AKAP11: variants seen among roughly 807,000 people sequenced by gnomAD.
The protein encoded by AKAP11 is A-kinase anchoring protein 11, also known as A-kinase anchor protein 11.
AKAP11 carries 36 observed loss-of-function variants against 146.1 expected under a neutral mutation model. The observed-to-expected ratio is 0.25, with a 90% CI of 0.19 to 0.33. AKAP11 has a LOEUF of 0.33. AKAP11 is among the 10% of genes least tolerant of loss of function. The pLI, the probability that AKAP11 is intolerant of heterozygous loss-of-function variation, is 1.00. For synonymous variants in AKAP11, 780 were observed against 786.5 expected, an observed-to-expected ratio of 0.99 and a Z score of 0.14; for missense variants, 2,201 against 2,197.0, an observed-to-expected ratio of 1.00 and a Z score of -0.04.
intron 1 of AKAP11, among the ~76,000 whole-genome samples, chr13:42,281,679 A>C (rs1022737879): frequency 4.6e-5 from 7 of 152,256 alleles, no homozygotes; most frequent in Admixed American, 1.3e-4. Context: ...GATGAAACCA[A>C]TGTCTGTACT....
At chr13:42,273,467 A>G (rs887465449) in intron 1 of AKAP11, among the ~76,000 whole-genome samples, 8 of 152,136 alleles carry the variant, frequency 5.3e-5, no homozygotes, top group African/African-American at 1.9e-4. Flanking sequence ...TGGACAGTGA[A>G]TGTCACTATT....
At position 42,317,635 on chromosome 13, in the gene AKAP11, G is replaced by A; in HGVS notation, c.5512G>A (p.Ala1838Thr). 6.2e-7 allele frequency: 1 copy of A among 1,614,168 alleles called. No individual in the cohort carries two copies. Among genetic ancestry groups the A allele is most frequent in the Non-Finnish European group, 8.5e-7 (1 of 1,180,008 alleles). Residue 1838 changes from alanine to threonine, a missense_variant, in exon 12 of 13, where the codon GCT becomes ACT. Transcript: ENST00000025301. ...TCTTCAGTGGCTCATTGCCTCTGAG[G>A]CTGAAGTTGCAGAACTTTATTTTCA... ...IILQWLIASE[A>T]EVAELYFHDS... is the part of the protein sequence containing the mutation.
chr13:42,305,215 G>C (rs931415521), intron 8 of AKAP11, among the ~76,000 whole-genome samples: 3 of 152,224 alleles, frequency 2.0e-5, no homozygotes, highest in African/African-American at 7.2e-5. Context: ...GAATTTAATT[G>C]AGTCACATGA....
intron 11 of AKAP11, among the ~76,000 whole-genome samples, chr13:42,315,914 G>A (rs140968497): frequency 6.6e-6 from 1 of 152,106 alleles, no homozygotes; most frequent in Non-Finnish European, 1.5e-5. Context: ...TTTCACTAAT[G>A]GTTAGAGACT....
Position 42,276,036 on chromosome 13 carries a change from T to C in AKAP11, c.-100+3808T>C, listed in dbSNP as rs1958908844. On this transcript the variant is annotated intron_variant, in intron 1 of 12. Coordinates refer to ENST00000025301, the MANE Select transcript of AKAP11 (RefSeq NM_016248.4). ...TCTCTACCTCACCTACCTTTCTGAC[T>C]GCCATTTATTTGTGGTTCCTTTTAT... 5.3e-5 allele frequency among the ~76,000 whole-genome samples: 8 copies of C among 152,158 alleles called. 1 individual carries two copies. The South Asian group carries it at 1.7e-3, about 32-fold the overall frequency.
At chr13:42,291,875 A>T (rs1959224325) in intron 3 of AKAP11, among the ~76,000 whole-genome samples, 1 of 152,220 alleles carries the variant, frequency 6.6e-6, no homozygotes, top group South Asian at 2.1e-4. Context: ...TCTCATTTTC[A>T]TCAGACAGCT....
chr13:42,279,551 T>C (rs1959013086), intron 1 of AKAP11, among the ~76,000 whole-genome samples: 1 of 152,182 alleles, frequency 6.6e-6, no homozygotes, highest in South Asian at 2.1e-4. Context: ...TTTTGGTGTC[T>C]TTTGTATCTT....
Position 42,321,215 on chromosome 13 carries a change from C to G in AKAP11, c.*1987C>G, listed in dbSNP as rs1961073304. The G allele has an allele frequency of 6.6e-6, 1 of 152,286 alleles. No individual in the cohort carries two copies. Among genetic ancestry groups the G allele is most frequent in the African/African-American group, 2.4e-5 (1 of 41,434 alleles). 9.4% of individuals were successfully genotyped at this position (152,286 alleles called of 1,614,324 possible). Reference sequence around the variant, plus strand: ...ACTTGAGTGTATGCACAAGTTTGATCAACAGCAAAATAGAGTTCTGAATTT... The same window carrying G: ...ACTTGAGTGTATGCACAAGTTTGATGAACAGCAAAATAGAGTTCTGAATTT... On this transcript the variant is annotated 3_prime_UTR_variant, in exon 13 of 13. Coordinates refer to ENST00000025301, the MANE Select transcript of AKAP11 (RefSeq NM_016248.4).
chr13:42,296,771 C>T (rs1248487964), intron 5 of AKAP11, among the ~76,000 whole-genome samples: 1 of 151,920 alleles, frequency 6.6e-6, no homozygotes, highest in African/African-American at 2.4e-5. Context: ...GCTTAATTGT[C>T]ATGGATGTGT....
In AKAP11 at chr13:42,301,866, T is replaced by C; in HGVS notation, c.3120T>C (p.Ala1040=). The C allele has an allele frequency of 6.2e-7, 1 of 1,614,148 alleles. No individual in the cohort carries two copies. Among genetic ancestry groups the C allele is most frequent in the East Asian group, 2.2e-5 (1 of 44,884 alleles). Residue 1040 remains alanine (A), a synonymous_variant, in exon 8 of 13, where the codon GCT becomes GCC. Transcript: ENST00000025301. The part of the protein sequence containing the change: ...TGQKSDLKES[A]KDQPLKKHNL... ...AGAAATCTGACTTGAAGGAATCTGCTAAGGATCAACCACTGAAAAAGCATA... is the reference window on the plus strand; with the variant it reads ...AGAAATCTGACTTGAAGGAATCTGCCAAGGATCAACCACTGAAAAAGCATA...
Position 42,302,167 on chromosome 13 carries a change from C to CT in AKAP11, c.3421_3422insT (p.Pro1141LeufsTer8). 6.2e-7 allele frequency: 1 copy of CT among 1,614,158 alleles called. No individual in the cohort carries two copies. Among genetic ancestry groups the CT allele is most frequent in the Non-Finnish European group, 8.5e-7 (1 of 1,180,010 alleles). On this transcript the variant is annotated frameshift_variant, in exon 8 of 13. Coordinates refer to ENST00000025301, the MANE Select transcript of AKAP11 (RefSeq NM_016248.4). LOFTEE classifies it high-confidence loss of function. ...TGCACCTGCTACACCACCTTCTACTCCACACAACTCATCTGTTGGTAGTTT... is the reference window on the plus strand; with the variant it reads ...TGCACCTGCTACACCACCTTCTACTCTCACACAACTCATCTGTTGGTAGTTT...
chr13:42,293,830 T>G (rs574895578), intron 4 of AKAP11, among the ~76,000 whole-genome samples: 1 of 152,366 alleles, frequency 6.6e-6, no homozygotes, highest in East Asian at 1.9e-4. Flanking sequence ...ATGGAATTTC[T>G]ATTCCATTTT....
intron 9 of AKAP11, among the ~76,000 whole-genome samples, chr13:42,310,157 A>T (rs1960481219): frequency 2.6e-5 from 4 of 152,230 alleles, no homozygotes; most frequent in African/African-American, 9.6e-5. Flanking sequence ...AAAATTAATG[A>T]TTAATATTTG....
At chr13:42,279,875 T>G (rs1036566753) in intron 1 of AKAP11, among the ~76,000 whole-genome samples, 1 of 152,224 alleles carries the variant, frequency 6.6e-6, no homozygotes, top group Admixed American at 6.5e-5. Flanking sequence ...GGCTTGCTTT[T>G]AGAATTTATT....
chr13:42,296,705 AATT>A (rs2138555596), intron 5 of AKAP11, among the ~76,000 whole-genome samples: 1 of 148,906 alleles, frequency 6.7e-6, no homozygotes, highest in South Asian at 2.2e-4. Flanking sequence ...GTATGAAAAA[AATT>A]TCATAAAGTT....
chr13:42,315,956 G>A (rs1960801044), intron 11 of AKAP11, among the ~76,000 whole-genome samples: 1 of 152,268 alleles, frequency 6.6e-6, no homozygotes, highest in South Asian at 2.1e-4. Context: ...GGAGGTTCTT[G>A]TAGGCCAGGC....
chr13:42,299,788 T>G lies in AKAP11; in HGVS notation c.1042T>G (p.Ser348Ala), dbSNP rs1826947707. The change falls in exon 8 of 13, where the codon TCA becomes GCA. Residue 348 changes from serine to alanine, a missense_variant. Around this residue, in one of 3 missense-constraint regions of AKAP11, gnomAD observed 1,867 missense variants for 1,833.5 expected, o/e 1.02. Coordinates refer to ENST00000025301, the MANE Select transcript of AKAP11 (RefSeq NM_016248.4). ...TGTGATGAAAGATGATATAGAGGAT[T>G]CAGACTCAGAAGTAAGTGAATTTTT... ...IPVMKDDIEDSDSEVSEFFDS... is the reference protein window; with the variant it reads ...IPVMKDDIEDADSEVSEFFDS... 6.2e-7 allele frequency: 1 copy of G among 1,613,906 alleles called. No individual in the cohort carries two copies. The highest frequency in any genetic ancestry group is 8.5e-7 in the Non-Finnish European group (1 of 1,179,880).
intron 3 of AKAP11, 99 bp from the exon 4 acceptor site, chr13:42,292,282 ATTAG>A (rs1408954833): frequency 4.9e-5 from 27 of 556,202 alleles, no homozygotes; most frequent in Non-Finnish European, 8.1e-5. Flanking sequence ...GCCAGTGAAT[ATTAG>A]TTAGAGAATG....
rs1371558097 is a variant in AKAP11 at position 42,321,460 on chromosome 13, T to TA, written c.*2233dup. The TA allele has an allele frequency of 2.3e-4, 35 of 149,738 alleles. No individual in the cohort carries two copies. The highest frequency in any genetic ancestry group is 8.4e-4 in the African/African-American group (33 of 39,094). The allele number at this position is 149,738 out of a possible 1,614,324, so 9.3% of individuals were successfully genotyped here. On this transcript the variant is annotated 3_prime_UTR_variant, in exon 13 of 13. Coordinates refer to ENST00000025301, the MANE Select transcript of AKAP11 (RefSeq NM_016248.4). ...AATAATAATAGTGGAACTTCACACT[T>TA]ACATCAATTCAGTGCAGGGGCATAG... is the stretch of plus-strand genomic sequence containing the variant.
Sources: allele counts gnomAD v4.1 joint callset (sites outside exome capture counted in the v4.1 genomes callset), GRCh38; gene constraint gnomAD v4.1.1; regional missense constraint gnomAD v4.1.1; transcripts MANE v1.5; gene names NCBI Gene and HGNC (gene_info 2026-07-23, HGNC 2026-07-21).